INPP4B: variants seen among roughly 807,000 people sequenced by gnomAD.
INPP4B encodes inositol polyphosphate 4-phosphatase type II.
Under a neutral mutation model 122.5 loss-of-function variants are expected in INPP4B, and 55 were observed. The ratio of observed to expected loss-of-function variants is 0.45; its 90% CI spans 0.36 to 0.56. The LOEUF (loss-of-function observed/expected upper bound fraction) is 0.56. Among genes scored for constraint, INPP4B ranks in the 20% least tolerant of loss-of-function variants. INPP4B has a pLI of 0.00. For synonymous variants in INPP4B, 403 were observed against 388.7 expected (o/e 1.04, Z -0.43); for missense variants, 1,000 against 1,097.7 (o/e 0.91, Z 1.26).
chr4:142,405,159 A>AAGAGAGAGAGAGAGAGAGAG lies in INPP4B; in HGVS notation c.255+27_255+46dup, dbSNP rs3076598. 6 of 970,684 alleles carry AAGAGAGAGAGAGAGAGAGAG rather than the reference A, an allele frequency of 6.2e-6. No individual in the cohort carries two copies. In the African/African-American group the frequency reaches 8.3e-5, roughly 13 times the overall value. 60.1% of individuals were successfully genotyped at this position (970,684 alleles called of 1,614,324 possible). A position where few individuals can be genotyped will look rare whatever the true frequency, so the allele number is the denominator to read the frequency against. On this transcript the variant is annotated intron_variant, in intron 6 of 25. Coordinates refer to ENST00000262992, the MANE Select transcript of INPP4B (RefSeq NM_001101669.3). ...AGAGAGCAAGAGCGAGCGAGCCAGC[A>AAGAGAGAGAGAGAGAGAGAG]AGAGAGAGAGAGAGAGAGAGATTAA...
intron 3 of INPP4B, among the ~76,000 whole-genome samples, chr4:142,447,734 T>C (rs1479185701): frequency 1.3e-5 from 2 of 152,144 alleles, no homozygotes; most frequent in African/African-American, 4.8e-5. Flanking sequence ...AAGATATGTA[T>C]AGCTAGGCAT....
At chr4:142,155,285 A>G (rs1380088453) in intron 17 of INPP4B, among the ~76,000 whole-genome samples, 4 of 152,170 alleles carry the variant, frequency 2.6e-5, no homozygotes, top group Non-Finnish European at 4.4e-5. Flanking sequence ...ATAACTGAAC[A>G]AAATCTTTTG....
rs75262269 is a variant in INPP4B, at chr4:142,830,494, G to A, written c.-254+15715C>T. On this transcript the variant is annotated intron_variant, in intron 1 of 25. Transcript: ENST00000262992. Reference sequence around the variant, plus strand: ...CTGCCACGGAAGAGAAAAGAGGCTAGCTAGAGGGGAATATGGAGTGGAGAG... The same window carrying A: ...CTGCCACGGAAGAGAAAAGAGGCTAACTAGAGGGGAATATGGAGTGGAGAG... Among the ~76,000 whole-genome samples, 1,213 of 152,240 alleles carry A rather than the reference G, an allele frequency of 8.0e-3. 8 individuals are homozygous for A. Among genetic ancestry groups the A allele is most frequent in the Non-Finnish European group, 0.012 (811 of 68,026 alleles).
At chr4:142,288,834 G>A (rs1755066549) in intron 9 of INPP4B, among the ~76,000 whole-genome samples, 1 of 151,852 alleles carries the variant, frequency 6.6e-6, no homozygotes, top group Admixed American at 6.6e-5. Context: ...GAGATATTTT[G>A]AAGCTTAAAT....
chr4:142,258,344 T>C (rs937630660), intron 11 of INPP4B, among the ~76,000 whole-genome samples: 100 of 151,298 alleles, frequency 6.6e-4, no homozygotes, highest in African/African-American at 2.2e-3. Context: ...AAAGCCAAAA[T>C]TGACAAATGG....
At chr4:142,255,629 G>A (rs1735458745) in intron 11 of INPP4B, among the ~76,000 whole-genome samples, 1 of 152,070 alleles carries the variant, frequency 6.6e-6, no homozygotes, top group African/African-American at 2.4e-5. Flanking sequence ...AATGGTAAAT[G>A]GATCAATTCA....
At chr4:142,429,432 A>T (rs1808811955) in intron 4 of INPP4B, among the ~76,000 whole-genome samples, 1 of 152,072 alleles carries the variant, frequency 6.6e-6, no homozygotes, top group Non-Finnish European at 1.5e-5. Flanking sequence ...TTGATTGGTC[A>T]TTTTATCTGT....
chr4:142,254,895 A>G (rs907069759), intron 11 of INPP4B, among the ~76,000 whole-genome samples: 1 of 152,026 alleles, frequency 6.6e-6, no homozygotes, highest in African/African-American at 2.4e-5. Flanking sequence ...TCCAAGACAC[A>G]TAATTGTCAG....
chr4:142,644,337 AAAG>A (rs1751246927), intron 2 of INPP4B, among the ~76,000 whole-genome samples: 1 of 151,816 alleles, frequency 6.6e-6, no homozygotes, highest in African/African-American at 2.4e-5. Flanking sequence ...GAGAAGGAGG[AAAG>A]AAGACCTGTT....
intron 2 of INPP4B, among the ~76,000 whole-genome samples, chr4:142,562,396 T>C (rs1730663613): frequency 6.6e-6 from 1 of 152,162 alleles, no homozygotes; most frequent in Non-Finnish European, 1.5e-5. Flanking sequence ...CATCTCTCCA[T>C]GAGCCAGACT....
At chr4:142,540,400 G>A (rs1214352413) in intron 2 of INPP4B, among the ~76,000 whole-genome samples, 1 of 151,838 alleles carries the variant, frequency 6.6e-6, no homozygotes, top group Non-Finnish European at 1.5e-5. Context: ...ACTGAAAATG[G>A]TAACTCTCAG....
chr4:142,501,846 C>G (rs1435812405), intron 2 of INPP4B, among the ~76,000 whole-genome samples: 1 of 151,906 alleles, frequency 6.6e-6, no homozygotes, highest in Non-Finnish European at 1.5e-5. Context: ...AAAAAGTTAC[C>G]TAAGAAAAAA....
At chr4:142,096,861 T>C (rs1015023888) in intron 23 of INPP4B, among the ~76,000 whole-genome samples, 1 of 152,134 alleles carries the variant, frequency 6.6e-6, no homozygotes, top group African/African-American at 2.4e-5. Context: ...CAGCAGCATA[T>C]AAATTAAAAG....
At chr4:142,069,956 A>G (rs1360631580) in intron 25 of INPP4B, among the ~76,000 whole-genome samples, 1 of 152,072 alleles carries the variant, frequency 6.6e-6, no homozygotes, top group African/African-American at 2.4e-5. Flanking sequence ...TCAAAAGAAA[A>G]AGAGGGAATC....
intron 2 of INPP4B, among the ~76,000 whole-genome samples, chr4:142,703,771 T>C (rs1452240019): frequency 3.9e-5 from 6 of 152,116 alleles, no homozygotes; most frequent in African/African-American, 1.4e-4. Context: ...CTCTGGAGCA[T>C]AAAGAAGACC....
intron 2 of INPP4B, among the ~76,000 whole-genome samples, chr4:142,641,467 T>C (rs1049832565): frequency 1.4e-5 from 2 of 145,382 alleles, no homozygotes; most frequent in African/African-American, 5.0e-5. Flanking sequence ...TCCTTTCCTG[T>C]GTCCAAGTGT....
At chr4:142,269,785 T>C (rs919417638) in intron 10 of INPP4B, among the ~76,000 whole-genome samples, 2 of 152,206 alleles carry the variant, frequency 1.3e-5, no homozygotes, top group Non-Finnish European at 2.9e-5. Flanking sequence ...AATCATTCCA[T>C]AACGTAAATA....
intron 2 of INPP4B, among the ~76,000 whole-genome samples, chr4:142,588,718 C>T (rs182431656): frequency 1.3e-5 from 2 of 151,598 alleles, no homozygotes; most frequent in African/African-American, 4.8e-5. Flanking sequence ...AAAGATATCC[C>T]ATGCTCATAG....
At chr4:142,532,617 G>T (rs577968336) in intron 2 of INPP4B, among the ~76,000 whole-genome samples, 2 of 152,094 alleles carry the variant, frequency 1.3e-5, no homozygotes, top group East Asian at 1.9e-4. Context: ...ACAATAGCCC[G>T]CCAGATTAAG....
Sources: allele counts gnomAD v4.1 joint callset (sites outside exome capture counted in the v4.1 genomes callset), GRCh38; gene constraint gnomAD v4.1.1; transcripts MANE v1.5; gene names NCBI Gene and HGNC (gene_info 2026-07-23, HGNC 2026-07-21).